Variants in SRFBP1 observed in about 807,000 individuals in gnomAD.
The protein encoded by SRFBP1 is serum response factor binding protein 1, also known as serum response factor-binding protein 1.
In SRFBP1, 47 loss-of-function variants were observed where a neutral mutation model predicts 45.5. That is an observed-to-expected ratio of 1.03 (90% CI 0.82 to 1.32). The LOEUF is 1.32. Ranked by LOEUF, SRFBP1 falls within the 40% of genes most tolerant of loss-of-function variation. The pLI, the probability that SRFBP1 is intolerant of heterozygous loss-of-function variation, is 0.00. For missense variants in SRFBP1, 621 were observed against 484.6 expected, an observed-to-expected ratio of 1.28 and a Z score of -2.64; for synonymous variants, 203 against 166.3, an observed-to-expected ratio of 1.22 and a Z score of -1.70.
chr5:121,962,043 C>A lies in SRFBP1; in HGVS notation c.11C>A (p.Pro4Gln). The change falls in exon 1 of 8, where the codon CCG (proline) becomes CAG (glutamine). Residue 4 changes from proline (P) to glutamine (Q), a missense_variant. Pro to Gln is a moderately conservative substitution (Grantham distance 76). Transcript: ENST00000339397. Reference sequence around the variant, plus strand: ...ATTCCTTCATCTACCATGGCTCAGCCGGGAACTCTGAACCTCAATAACGAG... The same window carrying A: ...ATTCCTTCATCTACCATGGCTCAGCAGGGAACTCTGAACCTCAATAACGAG... MAQ[P>Q]GTLNLNNEVV... 1 of 1,614,130 alleles carries A rather than the reference C, an allele frequency of 6.2e-7. No individual in the cohort carries two copies. The highest frequency in any genetic ancestry group is 8.5e-7 in the Non-Finnish European group (1 of 1,180,042).
chr5:122,049,153 T>G (rs950212709), intron 2 of SRFBP1, among the ~76,000 whole-genome samples: 1 of 151,398 alleles, frequency 6.6e-6, no homozygotes, highest in South Asian at 2.1e-4. Context: ...TGTCAATACA[T>G]AGGCTCAAAA....
At chr5:122,014,482 A>G (rs1355583586) in intron 4 of SRFBP1, among the ~76,000 whole-genome samples, 1 of 152,132 alleles carries the variant, frequency 6.6e-6, no homozygotes, top group African/African-American at 2.4e-5. Flanking sequence ...CTCATTTTAT[A>G]TAAACTTGAT....
intron 5 of SRFBP1, 87 bp from the exon 6 acceptor site, chr5:122,020,001 C>T: frequency 1.1e-6 from 1 of 872,750 alleles, no homozygotes; most frequent in Non-Finnish European, 1.7e-6. Flanking sequence ...TAAATCTTTT[C>T]AAATAATTTT....
chr5:121,966,724 T>G (rs1020996026), intron 1 of SRFBP1, among the ~76,000 whole-genome samples: 3 of 152,160 alleles, frequency 2.0e-5, no homozygotes, highest in African/African-American at 7.2e-5. Context: ...TTTAATTTCA[T>G]AGGAAGGCCA....
At chr5:122,037,488 A>G (rs2112726436) in intron 2 of SRFBP1, among the ~76,000 whole-genome samples, 1 of 152,196 alleles carries the variant, frequency 6.6e-6, no homozygotes. Flanking sequence ...ATATGTTTAA[A>G]TGTAGCTCTT....
At chr5:122,010,372 G>A (rs960758405) in intron 4 of SRFBP1, among the ~76,000 whole-genome samples, 24 of 152,034 alleles carry the variant, frequency 1.6e-4, no homozygotes, top group African/African-American at 5.1e-4. Flanking sequence ...AATACATTTA[G>A]AAATCGATCC....
intron 7 of SRFBP1, among the ~76,000 whole-genome samples, chr5:122,026,685 G>A (rs369173523): frequency 7.9e-5 from 12 of 152,036 alleles, no homozygotes; most frequent in African/African-American, 2.4e-4. Context: ...AAATAAGACA[G>A]CACAGCATAA....
Position 121,962,085 on chromosome 5 carries a change from C to T in SRFBP1, c.36+17C>T. On this transcript the variant is annotated intron_variant, in intron 1 of 7. Transcript: ENST00000339397. The stretch of plus-strand genomic sequence containing the variant: ...AATAACGAGGTGAGCGCCGAGGAAC[C>T]TATGGGGCTGACTTTAAGGGTCCTC... 6.2e-7 allele frequency: 1 copy of T among 1,613,982 alleles called. No homozygotes were observed. The highest frequency in any genetic ancestry group is 8.5e-7 in the Non-Finnish European group (1 of 1,180,004).
At chr5:122,042,741 A>T (rs1433831595) in intron 2 of SRFBP1, among the ~76,000 whole-genome samples, 1 of 151,992 alleles carries the variant, frequency 6.6e-6, no homozygotes, top group Non-Finnish European at 1.5e-5. Context: ...GATTTTTAAG[A>T]TACTGTTTTT....
chr5:121,979,213 T>G (rs573546203), intron 3 of SRFBP1, among the ~76,000 whole-genome samples: 2 of 152,342 alleles, frequency 1.3e-5, no homozygotes, highest in East Asian at 3.9e-4. Context: ...GAGAATCCCA[T>G]TTTAGAGGAC....
intron 2 of SRFBP1, among the ~76,000 whole-genome samples, chr5:122,052,576 A>G (rs922283871): frequency 6.6e-6 from 1 of 152,192 alleles, no homozygotes; most frequent in South Asian, 2.1e-4. Context: ...CAATTCTTGC[A>G]GTGTGTTTTT....
chr5:122,004,246 A>G (rs1309518987), intron 4 of SRFBP1, among the ~76,000 whole-genome samples: 2 of 152,172 alleles, frequency 1.3e-5, no homozygotes, highest in Non-Finnish European at 2.9e-5. Flanking sequence ...TTCCTCTAGC[A>G]GTTTTACAGT....
chr5:121,978,922 T>C (rs1310127574), intron 3 of SRFBP1, among the ~76,000 whole-genome samples: 4 of 152,178 alleles, frequency 2.6e-5, no homozygotes, highest in Non-Finnish European at 5.9e-5. Flanking sequence ...TTACTTCTCC[T>C]CTAGTTTAAA....
In SRFBP1 at chr5:121,967,705, C is replaced by T. The variant is rs147835376; in HGVS notation, c.36+5637C>T. ...GAAAAATTAGCCAAACATGGTAGTA[C>T]GTACCTGTAGTCCCAGCTACTTGGG... On this transcript the variant is annotated intron_variant, in intron 1 of 7. Transcript: ENST00000339397. Among the ~76,000 whole-genome samples, 10 of 152,130 alleles carry T rather than the reference C, an allele frequency of 6.6e-5. No homozygotes were observed. The South Asian group carries it at 1.0e-3, about 16-fold the overall frequency.
downstream of SRFBP1, chr5:122,076,196 A>C (rs1430069706): frequency 1.3e-5 from 2 of 152,234 alleles, no homozygotes; most frequent in African/African-American, 4.8e-5. Flanking sequence ...AGAAATGTAC[A>C]AATAAACATC....
intron 3 of SRFBP1, among the ~76,000 whole-genome samples, chr5:121,986,223 A>G (rs1456874812): frequency 6.6e-6 from 1 of 152,022 alleles, no homozygotes; most frequent in Non-Finnish European, 1.5e-5. Flanking sequence ...AATTAACTTA[A>G]CAAAAATTGA....
At chr5:122,000,852 T>G (rs2112683607) in intron 4 of SRFBP1, among the ~76,000 whole-genome samples, 1 of 152,238 alleles carries the variant, frequency 6.6e-6, no homozygotes, top group Non-Finnish European at 1.5e-5. Flanking sequence ...ATCTAAATTT[T>G]GCATTAATTT....
intron 7 of SRFBP1, among the ~76,000 whole-genome samples, chr5:122,023,163 A>C (rs183051928): frequency 6.6e-6 from 1 of 152,358 alleles, no homozygotes; most frequent in Admixed American, 6.5e-5. Context: ...GGAGCTAAGA[A>C]ATGCAGTCTT....
downstream of SRFBP1, among the ~76,000 whole-genome samples, chr5:122,031,672 T>G (rs1300981919): frequency 6.6e-6 from 1 of 152,098 alleles, no homozygotes; most frequent in Non-Finnish European, 1.5e-5. Flanking sequence ...CCAAGAGAAT[T>G]GAAAACATGT....
Sources: allele counts gnomAD v4.1 joint callset (sites outside exome capture counted in the v4.1 genomes callset), GRCh38; gene constraint gnomAD v4.1.1; transcripts MANE v1.5; gene names NCBI Gene and HGNC (gene_info 2026-07-23, HGNC 2026-07-21).